The following AKR1C2 variants were observed in gnomAD, a reference collection of about 807,000 sequenced individuals.
AKR1C2 encodes 3-alpha-HSD3.
In AKR1C2, 27 loss-of-function variants were observed where a neutral mutation model predicts 39.8. That is an observed-to-expected ratio of 0.68 (90% CI 0.50 to 0.93). AKR1C2 has a LOEUF of 0.93. AKR1C2 is among the 40% of genes least tolerant of loss of function. AKR1C2 has a pLI of 0.00. For missense variants in AKR1C2, 263 were observed against 365.1 expected (o/e 0.72, Z 2.28); for synonymous variants, 114 against 137.9 (o/e 0.83, Z 1.22).
intron 1 of AKR1C2, chr10:5,015,144 G>A (rs1415903002): frequency 1.3e-5 from 2 of 152,238 alleles, no homozygotes; most frequent in African/African-American, 4.8e-5. Context: ...CCACTAGGCA[G>A]TTGTGTACTA....
chr10:4,992,754 C>T (rs1836884364), intron 7 of AKR1C2, among the ~76,000 whole-genome samples: 2 of 152,138 alleles, frequency 1.3e-5, no homozygotes. Context: ...AGTTAGAGAA[C>T]AGCCTGGGCA....
chr10:4,999,709 C>G (rs1837191809), intron 3 of AKR1C2: 1 of 174,700 alleles, frequency 5.7e-6, no homozygotes, highest in Non-Finnish European at 1.2e-5. Flanking sequence ...ATGAACCAAT[C>G]ATGGTCAATG....
At chr10:4,993,839 A>G (rs1836924402) in intron 7 of AKR1C2, among the ~76,000 whole-genome samples, 1 of 151,556 alleles carries the variant, frequency 6.6e-6, no homozygotes, top group African/African-American at 2.4e-5. Context: ...TATATATACT[A>G]GATGAATTAG....
intron 4 of AKR1C2, 22 bp from the exon 5 acceptor site, chr10:4,998,769 G>A (rs1837152789): frequency 1.2e-6 from 2 of 1,613,642 alleles, no homozygotes; most frequent in Admixed American, 1.7e-5. Context: ...GAATTGTGAG[G>A]TATCATTTGT....
chr10:5,003,951 G>A, upstream of AKR1C2: 1 of 693,206 alleles, frequency 1.4e-6, no homozygotes, highest in South Asian at 1.9e-5. Context: ...CATGTGAGAG[G>A]AGGGACAGAG....
At chr10:5,017,950 AGGAGAGGGAGAG>A (rs1230017078) in exon 1 of AKR1C2, 1 of 152,412 alleles carries the variant, frequency 6.6e-6, no homozygotes, top group Admixed American at 6.5e-5. Context: ...CTTGGCTGGC[AGGAGAGGGAGAG>A]GGAGAGAGAG....
chr10:5,017,257 G>T (rs1309219134), intron 1 of AKR1C2, among the ~76,000 whole-genome samples: 2 of 152,146 alleles, frequency 1.3e-5, no homozygotes, highest in Non-Finnish European at 2.9e-5. Context: ...TACATGGCCA[G>T]GCTCAAGTTA....
chr10:4,999,839 A>G (rs1588304065), intron 3 of AKR1C2: 3 of 825,636 alleles, frequency 3.6e-6, no homozygotes, highest in Non-Finnish European at 4.4e-6. Flanking sequence ...TGGAACAAAT[A>G]TTTAAAAAGC....
chr10:4,992,530 T>TA (rs1836875392), intron 7 of AKR1C2, among the ~76,000 whole-genome samples: 1 of 151,616 alleles, frequency 6.6e-6, no homozygotes, highest in African/African-American at 2.4e-5. Context: ...AGAAAGAGAG[T>TA]AAAAAATGAC....
chr10:5,000,003 C>T, intron 3 of AKR1C2: 10 of 1,023,230 alleles, frequency 9.8e-6, no homozygotes, highest in Non-Finnish European at 1.2e-5. Context: ...TACCTTAAGA[C>T]AAAAGTTATG....
At chr10:5,009,228 C>T (rs1837469350) in intron 1 of AKR1C2, among the ~76,000 whole-genome samples, 1 of 152,182 alleles carries the variant, frequency 6.6e-6, no homozygotes, top group African/African-American at 2.4e-5. Context: ...CCACCTTGCT[C>T]AGTTTTTTCA....
rs35486838 is a variant in AKR1C2, at chr10:5,011,039, CAA to C, written c.-88+6859_-88+6860del. On this transcript the variant is annotated intron_variant, in intron 1 of 6. Coordinates refer to the AKR1C2 transcript ENST00000604507. ...ATTAGACCAATAAGCTTCTGTAAAGCAAAAAAAAAAAAAATCAACAGAGAACA... is the reference window on the plus strand; with the variant it reads ...ATTAGACCAATAAGCTTCTGTAAAGCAAAAAAAAAAAATCAACAGAGAACA... 5.3e-3 allele frequency among the ~76,000 whole-genome samples: 741 copies of C among 140,508 alleles called. 9 individuals are homozygous for C. Among genetic ancestry groups the C allele is most frequent in the African/African-American group, 0.018 (676 of 37,854 alleles). 92.2% of individuals were successfully genotyped at this position (140,508 alleles called of 152,430 possible).
chr10:5,005,080 A>T (rs1554774274), upstream of AKR1C2, among the ~76,000 whole-genome samples: 1 of 151,914 alleles, frequency 6.6e-6, no homozygotes, highest in Non-Finnish European at 1.5e-5. Flanking sequence ...CAGATGTTAT[A>T]GGCAAAAGGC....
intron 8 of AKR1C2, among the ~76,000 whole-genome samples, chr10:4,990,797 G>T (rs1194005454): frequency 6.6e-6 from 1 of 151,634 alleles, no homozygotes; most frequent in Non-Finnish European, 1.5e-5. Context: ...ACTAGTGATT[G>T]ATTTCATGAT....
chr10:4,998,679 C>A lies in AKR1C2; in HGVS notation c.516G>T (p.Leu172=). The change falls in exon 5 of 9, where the codon CTG becomes CTT. Residue 172 remains leucine, a synonymous_variant. Transcript: ENST00000380753. Reference sequence around the variant, plus strand: ...CTGGCTTGTTGAGGATCATCTCCAGCAGCCTGTGGTTGAAGTTGGACACCC... The same window carrying A: ...CTGGCTTGTTGAGGATCATCTCCAGAAGCCTGTGGTTGAAGTTGGACACCC... The part of the protein sequence containing the change: ...SIGVSNFNHR[L]LEMILNKPGL... The A allele has an allele frequency of 6.2e-7, 1 of 1,614,182 alleles. No homozygotes were observed. Among genetic ancestry groups the A allele is most frequent in the East Asian group, 2.2e-5 (1 of 44,874 alleles).
chr10:4,996,123 G>A (rs1385576397), intron 5 of AKR1C2: 17 of 536,980 alleles, frequency 3.2e-5, no homozygotes, highest in Admixed American at 1.3e-4. Context: ...AAGGAGACAC[G>A]GCCAATTTCA....
chr10:5,006,811 C>G (rs1451493586), upstream of AKR1C2, among the ~76,000 whole-genome samples: 11 of 147,652 alleles, frequency 7.4e-5, no homozygotes, highest in Admixed American at 1.4e-4. Flanking sequence ...GAGTTTTGCA[C>G]TGTCACCAGG....
Position 4,996,117 on chromosome 10 carries a change from A to T in AKR1C2, c.571-252T>A, listed in dbSNP as rs201933166. ...CTCAATAACTCCGACCACTAGAAGG[A>T]GACACGGCCAATTTCAGAGCTGGGA... On this transcript the variant is annotated intron_variant, in intron 5 of 8. Transcript: ENST00000380753. 1.2e-5 allele frequency: 7 copies of T among 575,128 alleles called. No individual in the cohort carries two copies. The East Asian group carries it at 4.6e-4, about 38-fold the overall frequency. The allele number at this position is 575,128 out of a possible 1,614,324, so 35.6% of individuals were successfully genotyped here.
rs1330173769 is a variant in AKR1C2 at position 4,988,723 on chromosome 10, T to TA, written c.*1272dup. On this transcript the variant is annotated 3_prime_UTR_variant, in exon 9 of 9. Transcript: ENST00000380753. ...AAATGTGTTAGAAAGTGTGCCCAGGTAAAAAACCACTGTCCTTCTCATAAT... is the reference window on the plus strand; with the variant it reads ...AAATGTGTTAGAAAGTGTGCCCAGGTAAAAAAACCACTGTCCTTCTCATAAT... The TA allele has an allele frequency of 6.6e-6, 1 of 151,434 alleles. No individual in the cohort carries two copies. The highest frequency in any genetic ancestry group is 2.4e-5 in the African/African-American group (1 of 41,144). The allele number at this position is 151,434 out of a possible 1,614,324, so 9.4% of individuals were successfully genotyped here. A position where few individuals can be genotyped will look rare whatever the true frequency, so the allele number is the denominator to read the frequency against.
Sources: allele counts gnomAD v4.1 joint callset (sites outside exome capture counted in the v4.1 genomes callset), GRCh38; gene constraint gnomAD v4.1.1; transcripts MANE v1.5; gene names NCBI Gene and HGNC (gene_info 2026-07-23, HGNC 2026-07-21).